CNTN4: variants seen among roughly 807,000 people sequenced by gnomAD.
The protein encoded by CNTN4 is contactin 4, also known as contactin-4.
CNTN4 carries 77 observed loss-of-function variants against 122.5 expected under a neutral mutation model. The observed-to-expected ratio is 0.63, with a 90% CI of 0.52 to 0.76. The LOEUF (loss-of-function observed/expected upper bound fraction) is 0.76, where lower values mean the gene tolerates loss of function less well. Ranked by LOEUF, CNTN4 falls within the 30% of genes least tolerant of loss-of-function variation. The pLI is 0.00. For missense variants in CNTN4, 1,256 were observed against 1,259.1 expected (o/e 1.00, Z 0.04); for synonymous variants, 512 against 447.0 (o/e 1.15, Z -1.83).
At chr3:2,463,758 C>A (rs2075401137) in intron 3 of CNTN4, among the ~76,000 whole-genome samples, 1 of 151,136 alleles carries the variant, frequency 6.6e-6, no homozygotes. Flanking sequence ...AACTCCGTCT[C>A]AAAAAAAATA....
At chr3:2,889,466 C>A (rs1207470886) in intron 10 of CNTN4, among the ~76,000 whole-genome samples, 1 of 152,110 alleles carries the variant, frequency 6.6e-6, no homozygotes, top group Non-Finnish European at 1.5e-5. Flanking sequence ...CAAAAGACAC[C>A]ACAGTTAACT....
intron 2 of CNTN4, among the ~76,000 whole-genome samples, chr3:2,108,103 C>T (rs776613066): frequency 6.6e-6 from 1 of 152,010 alleles, no homozygotes; most frequent in Admixed American, 6.5e-5. Flanking sequence ...TATCCTCCCC[C>T]AGGCTTGCAG....
intron 3 of CNTN4, among the ~76,000 whole-genome samples, chr3:2,340,713 A>AGAGAGAGAGAGAGAGAGAGAGGGG (rs2044173325): frequency 8.1e-6 from 1 of 124,108 alleles, no homozygotes. Flanking sequence ...ATATATATAG[A>AGAGAGAGAGAGAGAGAGAGAGGGG]GAGAGAGAGA....
intron 4 of CNTN4, among the ~76,000 whole-genome samples, chr3:2,730,316 G>A (rs1218493011): frequency 1.3e-5 from 2 of 152,152 alleles, no homozygotes; most frequent in Non-Finnish European, 2.9e-5. Context: ...GAATCATCTA[G>A]CACAGGTGTC....
At chr3:2,249,101 C>T (rs1482363705) in intron 2 of CNTN4, among the ~76,000 whole-genome samples, 1 of 151,450 alleles carries the variant, frequency 6.6e-6, no homozygotes, top group Non-Finnish European at 1.5e-5. Flanking sequence ...CACTATGTAT[C>T]TCCTGATATG....
intron 2 of CNTN4, among the ~76,000 whole-genome samples, chr3:2,108,749 G>A (rs1243233313): frequency 5.3e-5 from 8 of 152,152 alleles, no homozygotes; most frequent in Non-Finnish European, 1.0e-4. Flanking sequence ...AAATCACTTC[G>A]TTTAGTGATG....
chr3:2,633,599 C>T (rs993131228), intron 4 of CNTN4, among the ~76,000 whole-genome samples: 3 of 152,146 alleles, frequency 2.0e-5, no homozygotes, highest in African/African-American at 7.2e-5. Flanking sequence ...CTAAAGACAT[C>T]TTTAATGTCT....
At chr3:2,527,870 C>T (rs1239886273) in intron 3 of CNTN4, among the ~76,000 whole-genome samples, 2 of 152,068 alleles carry the variant, frequency 1.3e-5, no homozygotes, top group African/African-American at 2.4e-5. Flanking sequence ...TTTAAATCTG[C>T]CCTCAATTCT....
At position 2,883,125 on chromosome 3, in the gene CNTN4, G is replaced by A. The variant is rs766317601; in HGVS notation, c.653-20G>A. 4 of 1,542,596 alleles carry A rather than the reference G, an allele frequency of 2.6e-6. No homozygotes were observed. In the Admixed American group the frequency reaches 6.7e-5, roughly 26 times the overall value. ...ATTTTAAAAGAATCTCCAAGACTTAGCCCCTTTATTTATTCACAGGAGTGA... is the reference window on the plus strand; with the variant it reads ...ATTTTAAAAGAATCTCCAAGACTTAACCCCTTTATTTATTCACAGGAGTGA... On this transcript the variant is annotated intron_variant, in intron 8 of 24. Coordinates refer to ENST00000418658, the MANE Select transcript of CNTN4 (RefSeq NM_175607.3).
At chr3:2,718,780 T>C (rs951068770) in intron 4 of CNTN4, among the ~76,000 whole-genome samples, 1 of 152,264 alleles carries the variant, frequency 6.6e-6, no homozygotes, top group African/African-American at 2.4e-5. Flanking sequence ...GTTAAATAGT[T>C]AATATTTTGT....
chr3:2,982,423 G>A (rs750698688), intron 13 of CNTN4, among the ~76,000 whole-genome samples: 7 of 152,164 alleles, frequency 4.6e-5, no homozygotes, highest in Non-Finnish European at 1.0e-4. Context: ...GGCGTCCAAG[G>A]TGTTGACTTC....
chr3:2,603,688 A>T (rs1314738728), intron 4 of CNTN4, among the ~76,000 whole-genome samples: 1 of 152,212 alleles, frequency 6.6e-6, no homozygotes, highest in Non-Finnish European at 1.5e-5. Context: ...CTCCGGTGGA[A>T]TAAAAACAGC....
At chr3:2,279,948 A>T (rs1004084186) in intron 2 of CNTN4, among the ~76,000 whole-genome samples, 3 of 151,710 alleles carry the variant, frequency 2.0e-5, no homozygotes, top group African/African-American at 7.3e-5. Context: ...CTTGCTCTAG[A>T]TATATATCTA....
chr3:2,148,520 G>A (rs1038336040), intron 2 of CNTN4, among the ~76,000 whole-genome samples: 16 of 151,142 alleles, frequency 1.1e-4, no homozygotes, highest in Admixed American at 9.2e-4. Context: ...GTGACAGAGC[G>A]AGCCCCTGTC....
rs141109564 is a variant in CNTN4, at chr3:2,508,953, G to C, written c.-88-62463G>C. Among the ~76,000 whole-genome samples the C allele has an allele frequency of 4.0e-3, 610 of 152,290 alleles. 2 individuals are homozygous for C. The highest frequency in any genetic ancestry group is 0.014 in the Middle Eastern group (4 of 294). ...GGGAGAAATGTATGAAGAATTGATG[G>C]AAGTTGGAAATTTTTTAGTTAGTAA... On this transcript the variant is annotated intron_variant, in intron 3 of 24. Coordinates refer to ENST00000418658, the MANE Select transcript of CNTN4 (RefSeq NM_175607.3).
At chr3:2,539,571 A>G (rs970684936) in intron 3 of CNTN4, among the ~76,000 whole-genome samples, 5 of 152,150 alleles carry the variant, frequency 3.3e-5, no homozygotes, top group South Asian at 2.1e-4. Context: ...TAAGCCGTCC[A>G]TGGTATTTAC....
At chr3:2,368,168 G>A (rs1336136243) in intron 3 of CNTN4, among the ~76,000 whole-genome samples, 1 of 150,686 alleles carries the variant, frequency 6.6e-6, no homozygotes, top group Admixed American at 6.6e-5. Flanking sequence ...GAGTAGCTGG[G>A]ACTACAGGGC....
chr3:2,976,564 C>T (rs905051569), intron 13 of CNTN4, among the ~76,000 whole-genome samples: 2 of 152,064 alleles, frequency 1.3e-5, no homozygotes, highest in Admixed American at 6.5e-5. Flanking sequence ...GAAATTACCC[C>T]GGGAGGAGGT....
intron 4 of CNTN4, among the ~76,000 whole-genome samples, chr3:2,572,429 C>T (rs1312478512): frequency 6.6e-6 from 1 of 152,082 alleles, no homozygotes; most frequent in Non-Finnish European, 1.5e-5. Context: ...CACACATACT[C>T]TCTATTGCTT....
Sources: gnomAD v4.1 joint callset for allele counts (sites outside exome capture counted in the v4.1 genomes callset) on GRCh38, gnomAD v4.1.1 for gene constraint, MANE v1.5 for transcripts, NCBI Gene and HGNC (gene_info 2026-07-23, HGNC 2026-07-21) for gene names.